Variants in ADGRL2 observed in about 807,000 individuals in gnomAD.
ADGRL2 encodes adhesion G protein-coupled receptor L2, also known as calcium-independent alpha-latrotoxin receptor 2.
Under a neutral mutation model 157.4 loss-of-function variants are expected in ADGRL2, and 44 were observed. That is an observed-to-expected ratio of 0.28 (90% CI 0.22 to 0.36). The LOEUF (loss-of-function observed/expected upper bound fraction) is 0.36. Among genes scored for constraint, ADGRL2 ranks in the 10% least tolerant of loss-of-function variants. ADGRL2 has a pLI of 1.00. For missense variants in ADGRL2, 1,510 were observed against 1,768.9 expected, an observed-to-expected ratio of 0.85 and a Z score of 2.63; for synonymous variants, 585 against 624.7, an observed-to-expected ratio of 0.94 and a Z score of 0.95.
At chr1:81,968,280 G>T in intron 14 of ADGRL2, 81 bp downstream of exon 14, 1 of 1,183,256 alleles carries the variant, frequency 8.5e-7, no homozygotes. Flanking sequence ...CCATTCTTTG[G>T]GTGCTTACCG....
At position 81,589,321 on chromosome 1, in the gene ADGRL2, T is replaced by A. The variant is rs181784671; in HGVS notation, c.-143+8341T>A. On this transcript the variant is annotated intron_variant, in intron 3 of 24. Coordinates refer to the ADGRL2 transcript ENST00000370721. ...CTGTAGAATGTCTATACAGTCCCAA[T>A]CCCTACAGACTATATTTGGACCAAG... Among the ~76,000 whole-genome samples, 3 of 152,200 alleles carry A rather than the reference T, an allele frequency of 2.0e-5. No homozygotes were observed. The East Asian group carries it at 5.8e-4, about 29-fold the overall frequency.
At chr1:81,622,869 A>G (rs1475243189) in intron 3 of ADGRL2, among the ~76,000 whole-genome samples, 4 of 152,216 alleles carry the variant, frequency 2.6e-5, no homozygotes, top group Admixed American at 2.6e-4. Context: ...CTGACATGAT[A>G]TTTCATTTTA....
intron 1 of ADGRL2, among the ~76,000 whole-genome samples, chr1:81,746,137 T>C (rs1463897602): frequency 6.6e-6 from 1 of 152,216 alleles, no homozygotes; most frequent in Non-Finnish European, 1.5e-5. Flanking sequence ...TTATTTCTAA[T>C]ATAATTTGTA....
rs142497827 is a variant in ADGRL2 at position 81,978,700 on chromosome 1, A to G, written c.3022-1169A>G. On this transcript the variant is annotated intron_variant, in intron 17 of 23. Transcript: ENST00000686636. Reference sequence around the variant, plus strand: ...GCCCTATATCACTTTTCCTAATTATAAAGTCAGAAGTAGTGAAAGATGAAT... The same window carrying G: ...GCCCTATATCACTTTTCCTAATTATGAAGTCAGAAGTAGTGAAAGATGAAT... Among the ~76,000 whole-genome samples, 1,239 of 151,912 alleles carry G rather than the reference A, an allele frequency of 8.2e-3. 12 individuals are homozygous for G. Among genetic ancestry groups the G allele is most frequent in the African/African-American group, 0.028 (1,182 of 41,540 alleles).
chr1:81,569,582 A>C (rs888108216), intron 2 of ADGRL2, among the ~76,000 whole-genome samples: 3 of 152,154 alleles, frequency 2.0e-5, no homozygotes, highest in Non-Finnish European at 4.4e-5. Context: ...CTGAGGCAAG[A>C]GGACCACTTG....
At chr1:81,456,245 A>G (rs2077803675) in intron 2 of ADGRL2, among the ~76,000 whole-genome samples, 1 of 151,522 alleles carries the variant, frequency 6.6e-6, no homozygotes, top group Non-Finnish European at 1.5e-5. Context: ...TTTTTAAGAG[A>G]TGGGGTCTCT....
intron 17 of ADGRL2, 77 bp downstream of exon 17, chr1:81,971,995 ATTG>A: frequency 1.1e-6 from 1 of 879,402 alleles, no homozygotes; most frequent in Non-Finnish European, 1.8e-6. Context: ...AATTTGTTTT[ATTG>A]TTTGTTTATC....
intron 1 of ADGRL2, among the ~76,000 whole-genome samples, chr1:81,362,457 A>T (rs569323369): frequency 1.3e-5 from 2 of 152,054 alleles, no homozygotes; most frequent in South Asian, 2.1e-4. Context: ...TTTAGTCATT[A>T]CATGGGATTA....
intron 2 of ADGRL2, among the ~76,000 whole-genome samples, chr1:81,548,039 C>A (rs1490603019): frequency 1.3e-5 from 2 of 152,178 alleles, no homozygotes; most frequent in Admixed American, 1.3e-4. Context: ...GAATGATTCA[C>A]ACAGCTGGGA....
intron 1 of ADGRL2, among the ~76,000 whole-genome samples, chr1:81,359,947 C>A (rs2075949431): frequency 6.6e-6 from 1 of 151,996 alleles, no homozygotes; most frequent in Non-Finnish European, 1.5e-5. Flanking sequence ...ATCTTCACAG[C>A]CTGTCTCACC....
In ADGRL2 at chr1:81,868,783, C is replaced by CT. The variant is rs548676702; in HGVS notation, c.73+31732dup. Reference sequence around the variant, plus strand: ...ATGAACCTGTTTATCTATTTTACATCTTTTTTGGGGGGAAAGGTCCCTGTT... The same window carrying CT: ...ATGAACCTGTTTATCTATTTTACATCTTTTTTTGGGGGGAAAGGTCCCTGTT... On this transcript the variant is annotated intron_variant, in intron 2 of 23. Coordinates refer to ENST00000686636, the MANE Select transcript of ADGRL2 (RefSeq NM_001366006.2). 1.5e-3 allele frequency among the ~76,000 whole-genome samples: 232 copies of CT among 151,724 alleles called. 7 individuals are homozygous for CT. In the South Asian group the frequency reaches 0.033, roughly 22 times the overall value.
chr1:81,902,391 A>C (rs964090290), intron 2 of ADGRL2, among the ~76,000 whole-genome samples: 4 of 152,140 alleles, frequency 2.6e-5, no homozygotes, highest in Admixed American at 1.3e-4. Context: ...TGAGGTCAGG[A>C]GTTTGAGACC....
At chr1:81,315,769 G>GC (rs1042177012) in intron 1 of ADGRL2, among the ~76,000 whole-genome samples, 10 of 150,720 alleles carry the variant, frequency 6.6e-5, no homozygotes, top group African/African-American at 2.4e-4. Flanking sequence ...TCGGCAATTA[G>GC]TTTTTTTTTT....
At chr1:81,521,967 G>GT (rs200860680) in intron 2 of ADGRL2, among the ~76,000 whole-genome samples, 27,292 of 139,170 alleles carry the variant, frequency 0.2, 4,540 homozygotes, top group African/African-American at 0.45. Context: ...TGTACTTTTT[G>GT]TTTTTTTTTT....
At chr1:81,726,534 C>T (rs989135826) in intron 1 of ADGRL2, among the ~76,000 whole-genome samples, 2 of 152,094 alleles carry the variant, frequency 1.3e-5, no homozygotes, top group Non-Finnish European at 2.9e-5. Context: ...TTGGACAGCA[C>T]TAGAGTTGAG....
intron 1 of ADGRL2, among the ~76,000 whole-genome samples, chr1:81,832,432 C>A (rs2092009323): frequency 1.3e-5 from 2 of 152,294 alleles, no homozygotes; most frequent in South Asian, 4.1e-4. Context: ...AGTGAGCCAC[C>A]TTGCCCGGCC....
chr1:81,608,908 A>C (rs1421468332), intron 3 of ADGRL2, among the ~76,000 whole-genome samples: 5 of 152,144 alleles, frequency 3.3e-5, no homozygotes, highest in African/African-American at 1.2e-4. Context: ...GGTGGCTTCG[A>C]GATCTCAGGC....
At chr1:81,901,650 A>G (rs1411976664) in intron 2 of ADGRL2, among the ~76,000 whole-genome samples, 1 of 152,040 alleles carries the variant, frequency 6.6e-6, no homozygotes, top group Non-Finnish European at 1.5e-5. Context: ...CAAATAAAGG[A>G]ATAAATAAAT....
intron 2 of ADGRL2, among the ~76,000 whole-genome samples, chr1:81,885,795 G>C (rs983720056): frequency 6.6e-6 from 1 of 152,244 alleles, no homozygotes; most frequent in South Asian, 2.1e-4. Flanking sequence ...TTTAATTAAG[G>C]GTTGAGATTT....
Sources: gnomAD v4.1 joint callset for allele counts (sites outside exome capture counted in the v4.1 genomes callset) on GRCh38, gnomAD v4.1.1 for gene constraint, MANE v1.5 for transcripts, NCBI Gene and HGNC (gene_info 2026-07-23, HGNC 2026-07-21) for gene names.